IKZF1: variants seen among roughly 807,000 people sequenced by gnomAD.
The protein encoded by IKZF1 is IKAROS family zinc finger 1.
In IKZF1, 10 loss-of-function variants were observed where a neutral mutation model predicts 51.7. That is an observed-to-expected ratio of 0.19 (90% CI 0.12 to 0.33). The LOEUF is 0.33. IKZF1 is among the 10% of genes least tolerant of loss of function. The pLI is 1.00. For synonymous variants in IKZF1, 280 were observed against 282.3 expected (o/e 0.99, Z 0.08); for missense variants, 484 against 707.5 (o/e 0.68, Z 3.58).
intron 3 of IKZF1, among the ~76,000 whole-genome samples, chr7:50,372,179 T>G (rs780940516): frequency 2.6e-5 from 4 of 152,260 alleles, no homozygotes; most frequent in Non-Finnish European, 5.9e-5. Context: ...CCCGTTTTCA[T>G]GGACAGCCTC....
chr7:50,327,037 G>T (rs1795205458), intron 2 of IKZF1, among the ~76,000 whole-genome samples: 1 of 152,108 alleles, frequency 6.6e-6, no homozygotes, highest in South Asian at 2.1e-4. Flanking sequence ...GCTTACAGGG[G>T]GAAGAGTTGA....
chr7:50,388,156 A>G (rs1690184327), intron 6 of IKZF1, among the ~76,000 whole-genome samples: 1 of 152,216 alleles, frequency 6.6e-6, no homozygotes, highest in Admixed American at 6.5e-5. Context: ...ATCTGGGGGA[A>G]TGGCAATGTT....
chr7:50,341,580 A>G (rs1799081492), intron 3 of IKZF1, among the ~76,000 whole-genome samples: 1 of 152,230 alleles, frequency 6.6e-6, no homozygotes, highest in Non-Finnish European at 1.5e-5. Flanking sequence ...CATCTGTGGA[A>G]CATTATTTGT....
chr7:50,334,373 TG>T (rs1365871238), intron 3 of IKZF1, among the ~76,000 whole-genome samples: 7 of 152,048 alleles, frequency 4.6e-5, no homozygotes, highest in Non-Finnish European at 1.0e-4. Context: ...TGTATATATG[TG>T]GGGGGTATAT....
chr7:50,349,745 A>T (rs1480564561), intron 3 of IKZF1, among the ~76,000 whole-genome samples: 1 of 152,162 alleles, frequency 6.6e-6, no homozygotes, highest in African/African-American at 2.4e-5. Flanking sequence ...AGCTGGAACC[A>T]TTTATTCTAT....
chr7:50,368,202 T>C (rs1290329232), intron 3 of IKZF1: 1 of 703,348 alleles, frequency 1.4e-6, no homozygotes, highest in Non-Finnish European at 2.6e-6. Context: ...ACACCTACCA[T>C]ATCATTTTTG....
At chr7:50,311,037 GTTA>G (rs1369536925) in intron 1 of IKZF1, among the ~76,000 whole-genome samples, 1 of 152,084 alleles carries the variant, frequency 6.6e-6, no homozygotes, top group African/African-American at 2.4e-5. Flanking sequence ...ATTTCTTATA[GTTA>G]TTATGAAAAA....
chr7:50,403,534 CAGGATGTGGAA>C lies in IKZF1; in HGVS notation c.*2910_*2920del, dbSNP rs1818490324. On this transcript the variant is annotated 3_prime_UTR_variant, in exon 8 of 8. Transcript: ENST00000331340. The stretch of plus-strand genomic sequence containing the variant: ...CCCCCTCCCTGACACCCCAGCTTCC[CAGGATGTGGAA>C]AGCCTGGATCTCAGCTCCTTGCCCC... 4.4e-6 allele frequency: 1 copy of C among 229,694 alleles called. No homozygotes were observed. 14.2% of individuals were successfully genotyped at this position (229,694 alleles called of 1,614,324 possible).
At chr7:50,374,705 A>G (rs940429861) in intron 3 of IKZF1, among the ~76,000 whole-genome samples, 3 of 152,200 alleles carry the variant, frequency 2.0e-5, no homozygotes, top group Non-Finnish European at 2.9e-5. Flanking sequence ...CTTGTCTGTC[A>G]GTGTTAGGCT....
At chr7:50,305,917 G>C (rs1233167655) in intron 1 of IKZF1, among the ~76,000 whole-genome samples, 1 of 152,156 alleles carries the variant, frequency 6.6e-6, no homozygotes, top group African/African-American at 2.4e-5. Context: ...AGGGGTGGGG[G>C]GGACCCACAT....
chr7:50,356,494 C>T (rs1237577010), intron 3 of IKZF1, among the ~76,000 whole-genome samples: 1 of 151,994 alleles, frequency 6.6e-6, no homozygotes, highest in Non-Finnish European at 1.5e-5. Context: ...GTCTTTGTGC[C>T]TGTGTTTCTG....
At chr7:50,349,860 A>T (rs773132617) in intron 3 of IKZF1, among the ~76,000 whole-genome samples, 1 of 152,210 alleles carries the variant, frequency 6.6e-6, no homozygotes, top group Non-Finnish European at 1.5e-5. Context: ...GGGTCTATGA[A>T]AAATAAGGCT....
intron 3 of IKZF1, among the ~76,000 whole-genome samples, chr7:50,365,520 T>A (rs912164553): frequency 1.3e-5 from 2 of 152,200 alleles, no homozygotes; most frequent in African/African-American, 4.8e-5. Flanking sequence ...TGGCCCACAA[T>A]CATATGAAAT....
chr7:50,395,515 A>G (rs1391493821), intron 7 of IKZF1, among the ~76,000 whole-genome samples: 2 of 152,198 alleles, frequency 1.3e-5, no homozygotes, highest in Non-Finnish European at 2.9e-5. Flanking sequence ...AAATAAGGAC[A>G]GTATTCCAGT....
At chr7:50,377,058 G>T (rs1337732974) in intron 4 of IKZF1, 27 of 526,722 alleles carry the variant, frequency 5.1e-5, no homozygotes, top group Non-Finnish European at 8.6e-5. Flanking sequence ...GAGGCTTGGC[G>T]AGGGCTGCTA....
intron 1 of IKZF1, among the ~76,000 whole-genome samples, chr7:50,307,042 G>A (rs1226811536): frequency 6.6e-6 from 1 of 152,192 alleles, no homozygotes; most frequent in African/African-American, 2.4e-5. Flanking sequence ...GAGGCATGGG[G>A]CAGTGTGGAA....
At chr7:50,385,301 C>T (rs181782792) in intron 5 of IKZF1, among the ~76,000 whole-genome samples, 2 of 152,206 alleles carry the variant, frequency 1.3e-5, no homozygotes, top group Admixed American at 1.3e-4. Context: ...CTGGCAAATT[C>T]AAATGTGGCC....
chr7:50,321,596 A>G (rs935322248), intron 2 of IKZF1, among the ~76,000 whole-genome samples: 6 of 152,202 alleles, frequency 3.9e-5, no homozygotes, highest in Admixed American at 6.5e-5. Flanking sequence ...GGTATTTTGC[A>G]TGGTGCATTT....
intron 5 of IKZF1, among the ~76,000 whole-genome samples, chr7:50,385,750 C>G (rs186545781): frequency 1.3e-5 from 2 of 152,164 alleles, no homozygotes; most frequent in African/African-American, 4.8e-5. Flanking sequence ...GAAAGGGTAT[C>G]GAGTGGTTAT....
Sources: allele counts gnomAD v4.1 joint callset (sites outside exome capture counted in the v4.1 genomes callset), GRCh38; gene constraint gnomAD v4.1.1; transcripts MANE v1.5; gene names NCBI Gene and HGNC (gene_info 2026-07-23, HGNC 2026-07-21).